Variants in ATP4A observed in about 807,000 individuals in gnomAD.
The protein encoded by ATP4A is ATPase H+/K+ transporting subunit alpha, also known as potassium-transporting ATPase alpha chain 1.
ATP4A carries 73 observed loss-of-function variants against 112.1 expected under a neutral mutation model. That is an observed-to-expected ratio of 0.65 (90% CI 0.54 to 0.79). The LOEUF is 0.79. Ranked by LOEUF, ATP4A falls within the 30% of genes least tolerant of loss-of-function variation. The pLI, the probability that ATP4A is intolerant of heterozygous loss-of-function variation, is 0.00. For missense variants in ATP4A, 1,081 were observed against 1,425.9 expected (o/e 0.76, Z 3.90); for synonymous variants, 588 against 588.9 (o/e 1.00, Z 0.02).
rs1353611976 is a variant in ATP4A, at chr19:35,558,585, C to T, written c.1357G>A (p.Val453Met). Residue 453 changes from valine (V) to methionine (M), a missense_variant, in exon 9 of 22, where the codon GTG becomes ATG. This residue lies in a region of ATP4A where 850 missense variants were observed against 1,068.2 expected (regional missense o/e 0.80). Transcript: ENST00000262623. This position sits in a 1 kb window ranked among gnomAD's most constrained non-coding sequence, Gnocchi z 5.1. ...AFKSGQDAVP[V>M]PKRIVIGDAS... ...GGCCCCCTGGCTCTCACCTTGGGCA[C>T]AGGCACTGCATCCTGGCCGGACTTG... 1.9e-6 allele frequency: 3 copies of T among 1,603,480 alleles called. No individual in the cohort carries two copies. The highest frequency in any genetic ancestry group is 1.7e-6 in the Non-Finnish European group (2 of 1,175,968).
intron 17 of ATP4A, 80 bp from the exon 18 acceptor site, chr19:35,553,262 C>G: frequency 6.7e-7 from 1 of 1,482,600 alleles, no homozygotes; most frequent in East Asian, 2.3e-5. Context: ...CATGGAGAGA[C>G]AGGGACACAG....
In ATP4A at chr19:35,559,608, A is replaced by G. The variant is rs1284266030; in HGVS notation, c.1056+197T>C. 6.6e-6 allele frequency among the ~76,000 whole-genome samples: 1 copy of G among 152,176 alleles called. No homozygotes were observed. Among genetic ancestry groups the G allele is most frequent in the African/African-American group, 2.4e-5 (1 of 41,428 alleles). ...CGGCCTCGTCATCTCTGCGCCCTCA[A>G]TGTGTGGCACAGGACTTGCCCCAGG... On this transcript the variant is annotated intron_variant, in intron 7 of 21. Coordinates refer to ENST00000262623, the MANE Select transcript of ATP4A (RefSeq NM_000704.3). This position sits in a 1 kb window ranked among gnomAD's most constrained non-coding sequence, Gnocchi z 4.1.
chr19:35,559,351 G>A lies in ATP4A; in HGVS notation c.1057-160C>T, dbSNP rs2071653483. 6.6e-6 allele frequency among the ~76,000 whole-genome samples: 1 copy of A among 152,256 alleles called. No individual in the cohort carries two copies. The highest frequency in any genetic ancestry group is 2.4e-5 in the African/African-American group (1 of 41,466). The stretch of plus-strand genomic sequence containing the variant: ...TTTTCTTGGCCCCAGCTTTTGTTCA[G>A]CCAGTGCTTTGTTTGGGACTCCTTC... On this transcript the variant is annotated intron_variant, in intron 7 of 21. Coordinates refer to ENST00000262623, the MANE Select transcript of ATP4A (RefSeq NM_000704.3). The surrounding 1 kb of genome is among the most constrained non-coding windows in gnomAD (Gnocchi z 4.1).
In ATP4A at chr19:35,550,311, C is replaced by T. The variant is rs546183128; in HGVS notation, c.*304G>A. The T allele has an allele frequency of 2.3e-6, 1 of 439,752 alleles. No individual in the cohort carries two copies. The highest frequency in any genetic ancestry group is 4.1e-6 in the Non-Finnish European group (1 of 242,942). 27.2% of individuals were successfully genotyped at this position (439,752 alleles called of 1,614,324 possible). On this transcript the variant is annotated 3_prime_UTR_variant, in exon 22 of 22. Coordinates refer to ENST00000262623, the MANE Select transcript of ATP4A (RefSeq NM_000704.3). The surrounding 1 kb of genome is among the most constrained non-coding windows in gnomAD (Gnocchi z 4.1). ...ACTGGAGTCCTAAGAACAGAAACAC[C>T]CTCCAGAAGCGGTCAGCTGTACTCC...
At chr19:35,552,934 G>T in intron 18 of ATP4A, 103 bp downstream of exon 18, 1 of 1,422,178 alleles carries the variant, frequency 7.0e-7, no homozygotes, top group South Asian at 1.4e-5. Flanking sequence ...GGATGCTCTG[G>T]CTGAACTCAG....
Position 35,560,724 on chromosome 19 carries a change from G to A in ATP4A, c.534+95C>T. The A allele has an allele frequency of 6.3e-7, 1 of 1,581,036 alleles. No individual in the cohort carries two copies. The highest frequency in any genetic ancestry group is 8.7e-7 in the Non-Finnish European group (1 of 1,152,188). On this transcript the variant is annotated intron_variant, in intron 5 of 21. Coordinates refer to ENST00000262623, the MANE Select transcript of ATP4A (RefSeq NM_000704.3). The surrounding 1 kb of genome is among the most constrained non-coding windows in gnomAD (Gnocchi z 5.1). ...GCTGGGACCCATGGGGAGAGATGGA[G>A]GCCACAGATGAGGGACAGGGGCCTG...
In ATP4A at chr19:35,560,985, T is replaced by C. The variant is rs2071667707; in HGVS notation, c.421-53A>G. 1.3e-6 allele frequency: 2 copies of C among 1,493,316 alleles called. No homozygotes were observed. Among genetic ancestry groups the C allele is most frequent in the African/African-American group, 2.8e-5 (2 of 72,034 alleles). 92.5% of individuals were successfully genotyped at this position (1,493,316 alleles called of 1,614,324 possible). ...TCAGAGGGGCCGGAAGCTGCCTGCC[T>C]GAGGCCACCGACCTGCTCCCTGGTG... On this transcript the variant is annotated intron_variant, in intron 4 of 21. Coordinates refer to ENST00000262623, the MANE Select transcript of ATP4A (RefSeq NM_000704.3). This position sits in a 1 kb window ranked among gnomAD's most constrained non-coding sequence, Gnocchi z 5.1.
chr19:35,550,617 A>G lies in ATP4A; in HGVS notation c.3106T>C (p.Ter1036GlnextTer44). The change falls in exon 22 of 22, where the codon TAG becomes CAG. Residue 1036 changes from the stop codon to glutamine (Q), a stop_lost. Coordinates refer to ENST00000262623, the MANE Select transcript of ATP4A (RefSeq NM_000704.3). The surrounding 1 kb of genome is among the most constrained non-coding windows in gnomAD (Gnocchi z 4.1). ...GATGCTTGAAGGCAGTCGTCCCTCT[A>G]ATAGTAGAGTTCCTGGTCCCACCAG... ...GSWWDQELYY[*>Q] 2 of 1,613,810 alleles carry G rather than the reference A, an allele frequency of 1.2e-6. No individual in the cohort carries two copies. Among genetic ancestry groups the G allele is most frequent in the Non-Finnish European group, 1.7e-6 (2 of 1,179,834 alleles).
In ATP4A at chr19:35,551,828, G is replaced by T. The variant is rs1179510718; in HGVS notation, c.2752-248C>A. ...ATGACAGTGGCCGGGAAAACTGTAG[G>T]CTGGGCCGACTGCTTTCATAGTGAA... is the stretch of plus-strand genomic sequence containing the variant. On this transcript the variant is annotated intron_variant, in intron 18 of 21. Transcript: ENST00000262623. This position sits in a 1 kb window ranked among gnomAD's most constrained non-coding sequence, Gnocchi z 5.2. Among the ~76,000 whole-genome samples the T allele has an allele frequency of 2.0e-5, 3 of 152,158 alleles. No individual in the cohort carries two copies. The East Asian group carries it at 5.8e-4, about 29-fold the overall frequency.
chr19:35,555,128 G>A lies in ATP4A; in HGVS notation c.2326+38C>T. The A allele has an allele frequency of 1.9e-6, 3 of 1,613,898 alleles. No homozygotes were observed. Among genetic ancestry groups the A allele is most frequent in the Non-Finnish European group, 2.5e-6 (3 of 1,179,928 alleles). ...CTCCTCACAGCCCTCTCCCTCCTGT[G>A]CCCACACTGCCTGCCCTCCCCCTGG... is the stretch of plus-strand genomic sequence containing the variant. On this transcript the variant is annotated intron_variant, in intron 15 of 21. Transcript: ENST00000262623. This position sits in a 1 kb window ranked among gnomAD's most constrained non-coding sequence, Gnocchi z 6.6.
chr19:35,554,900 G>A, intron 16 of ATP4A, 22 bp downstream of exon 16: 9 of 1,613,818 alleles, frequency 5.6e-6, no homozygotes, highest in Non-Finnish European at 7.6e-6. Context: ...CTGTGGATGG[G>A]TACCCTGGGC....
rs2071637258 is a variant in ATP4A at position 35,557,413 on chromosome 19, G to A, written c.1693+242C>T. 1.3e-5 allele frequency among the ~76,000 whole-genome samples: 2 copies of A among 152,216 alleles called. No homozygotes were observed. The highest frequency in any genetic ancestry group is 1.3e-4 in the Admixed American group (2 of 15,280). The stretch of plus-strand genomic sequence containing the variant: ...AGTTTAAGGCGTCAGGACAAAAATT[G>A]GGAGAGGTTAGAGGTCAGGATACGG... On this transcript the variant is annotated intron_variant, in intron 11 of 21. Coordinates refer to ENST00000262623, the MANE Select transcript of ATP4A (RefSeq NM_000704.3). The surrounding 1 kb of genome is among the most constrained non-coding windows in gnomAD (Gnocchi z 4.4).
In ATP4A at chr19:35,553,070, T is replaced by C. The variant is rs1291444222; in HGVS notation, c.2718A>G (p.Leu906=). Residue 906 remains leucine (L), a synonymous_variant, in exon 18 of 22, where the codon CTA becomes CTG. Transcript: ENST00000262623. The part of the protein sequence containing the change: ...GLRAQWEDHH[L]QDLQDSYGQE... Reference sequence around the variant, plus strand: ...GGCCGTAGCTGTCCTGCAGATCTTGTAGGTGGTGGTCCTCCCACTGCGCCC... The same window carrying C: ...GGCCGTAGCTGTCCTGCAGATCTTGCAGGTGGTGGTCCTCCCACTGCGCCC... The C allele has an allele frequency of 1.9e-6, 3 of 1,609,476 alleles. No individual in the cohort carries two copies. The highest frequency in any genetic ancestry group is 2.7e-5 in the African/African-American group (2 of 74,830).
At chr19:35,556,770 A>C (rs368314249) in intron 12 of ATP4A, 143 bp downstream of exon 12, 17 of 1,009,196 alleles carry the variant, frequency 1.7e-5, no homozygotes, top group East Asian at 1.3e-4. Flanking sequence ...CTGAAGCTTA[A>C]TTCCCCAGAA....
chr19:35,563,511 T>C lies in ATP4A; in HGVS notation c.29A>G (p.Tyr10Cys). MGKAENYELYSVELGPGPGG... is the reference protein window; with the variant it reads MGKAENYELCSVELGPGPGG... ...AGGGCCAGGACCCAGCTCCACCGAG[T>C]AGAGCTCATAGTTCTCCTGGGAATG... The change falls in exon 2 of 22, where the codon TAC (tyrosine) becomes TGC (cysteine). Residue 10 changes from tyrosine (Y) to cysteine (C), a missense_variant. Physicochemically the swap from Tyr to Cys is radical, Grantham distance 194 (BLOSUM62 -2). Around this residue, in one of 3 missense-constraint regions of ATP4A, gnomAD observed 850 missense variants for 1,068.2 expected, o/e 0.80. Coordinates refer to ENST00000262623, the MANE Select transcript of ATP4A (RefSeq NM_000704.3). The C allele has an allele frequency of 6.2e-7, 1 of 1,613,716 alleles. No homozygotes were observed.
At position 35,558,625 on chromosome 19, in the gene ATP4A, G is replaced by C. The variant is rs778628169; in HGVS notation, c.1317C>G (p.Cys439Trp). 6.2e-7 allele frequency: 1 copy of C among 1,601,322 alleles called. No individual in the cohort carries two copies. Among genetic ancestry groups the C allele is most frequent in the Non-Finnish European group, 8.5e-7 (1 of 1,175,716 alleles). Residue 439 changes from cysteine to tryptophan, a missense_variant, in exon 9 of 22, where the codon TGC becomes TGG. Cys to Trp is a radical substitution (Grantham distance 215, BLOSUM62 -2). Coordinates refer to ENST00000262623, the MANE Select transcript of ATP4A (RefSeq NM_000704.3). This position sits in a 1 kb window ranked among gnomAD's most constrained non-coding sequence, Gnocchi z 5.1. ...GGCCGGACTTGAAGGCGGCGCGGTT[G>C]CACAGGGTGAGCACCCGGCACAGCG... ...WRALCRVLTLCNRAAFKSGQD... is the reference protein window; with the variant it reads ...WRALCRVLTLWNRAAFKSGQD...
In ATP4A at chr19:35,551,922, GTCCAGTGAC is replaced by G. The variant is rs1277665830; in HGVS notation, c.2752-351_2752-343del. Among the ~76,000 whole-genome samples, 2 of 152,214 alleles carry G rather than the reference GTCCAGTGAC, an allele frequency of 1.3e-5. No homozygotes were observed. Among genetic ancestry groups the G allele is most frequent in the Non-Finnish European group, 2.9e-5 (2 of 68,028 alleles). On this transcript the variant is annotated intron_variant, in intron 18 of 21. Coordinates refer to ENST00000262623, the MANE Select transcript of ATP4A (RefSeq NM_000704.3). The surrounding 1 kb of genome is among the most constrained non-coding windows in gnomAD (Gnocchi z 5.2). ...GAAATCCTCAGATGGGATTTGCAAAGTCCAGTGACTCCAGGGGCCAGGCAGATGGCAAAA... is the reference window on the plus strand; with the variant it reads ...GAAATCCTCAGATGGGATTTGCAAAGTCCAGGGGCCAGGCAGATGGCAAAA...
intron 4 of ATP4A, 150 bp from the exon 5 acceptor site, chr19:35,561,082 C>G (rs1252536396): frequency 4.7e-6 from 3 of 644,528 alleles, no homozygotes; most frequent in South Asian, 1.8e-5. Flanking sequence ...TCCCTGTAGC[C>G]TTTAGCCCCC....
rs778957375 is a variant in ATP4A at position 35,553,028 on chromosome 19, A to G, written c.2751+9T>C. 14 of 1,589,604 alleles carry G rather than the reference A, an allele frequency of 8.8e-6. No homozygotes were observed. The highest frequency in any genetic ancestry group is 1.7e-4 in the Middle Eastern group (1 of 5,816). Reference sequence around the variant, plus strand: ...GCCCAGGGATGGGATGGGGCGGGGCAGGGCTCACCCACTCCTGGCCGTAGC... The same window carrying G: ...GCCCAGGGATGGGATGGGGCGGGGCGGGGCTCACCCACTCCTGGCCGTAGC... On this transcript the variant is annotated intron_variant, in intron 18 of 21. Transcript: ENST00000262623.
Sources: gnomAD v4.1 joint callset for allele counts (sites outside exome capture counted in the v4.1 genomes callset) on GRCh38, gnomAD v4.1.1 for gene constraint, gnomAD v4.1.1 regional missense constraint, Gnocchi (gnomAD v3.1) non-coding constraint, MANE v1.5 for transcripts, NCBI Gene and HGNC (gene_info 2026-07-23, HGNC 2026-07-21) for gene names.